The following KCNIP4 variants were observed in gnomAD, a reference collection of about 807,000 sequenced individuals.
The protein encoded by KCNIP4 is Kv channel-interacting protein 4.
Under a neutral mutation model 34.0 loss-of-function variants are expected in KCNIP4, and 12 were observed. The observed-to-expected ratio is 0.35, with a 90% confidence interval of 0.23 to 0.57. KCNIP4 has a LOEUF of 0.57. KCNIP4 is among the 20% of genes least tolerant of loss of function. The pLI is 0.83. For synonymous variants in KCNIP4, 124 were observed against 102.2 expected, an observed-to-expected ratio of 1.21 and a Z score of -1.29; for missense variants, 238 against 311.7, an observed-to-expected ratio of 0.76 and a Z score of 1.78.
At chr4:21,598,714 GT>G (rs1742851042) in intron 1 of KCNIP4, among the ~76,000 whole-genome samples, 2 of 151,612 alleles carry the variant, frequency 1.3e-5, no homozygotes, top group Admixed American at 6.6e-5. Flanking sequence ...AGCTAAAAAT[GT>G]TTAACTAAGA....
intron 1 of KCNIP4, among the ~76,000 whole-genome samples, chr4:20,929,475 C>T (rs925285696): frequency 6.6e-6 from 1 of 151,964 alleles, no homozygotes; most frequent in African/African-American, 2.4e-5. Flanking sequence ...AGATCCAGTG[C>T]AAAGCACAAA....
At chr4:21,731,086 C>T (rs116092944) in intron 1 of KCNIP4, among the ~76,000 whole-genome samples, 209 of 148,634 alleles carry the variant, frequency 1.4e-3, no homozygotes, top group African/African-American at 4.4e-3. Flanking sequence ...TGCACTCCAG[C>T]CTGGGCAACT....
intron 1 of KCNIP4, among the ~76,000 whole-genome samples, chr4:21,086,438 A>G (rs1746438871): frequency 6.6e-6 from 1 of 152,184 alleles, no homozygotes; most frequent in South Asian, 2.1e-4. Flanking sequence ...AAGAATTTTT[A>G]AATAAAATTT....
At position 21,772,053 on chromosome 4, in the gene KCNIP4, G is replaced by T. The variant is rs189216639; in HGVS notation, c.61+176518C>A. On this transcript the variant is annotated intron_variant, in intron 1 of 8. Transcript: ENST00000382152. ...TTGCCCATTCAATATGATATTGGCT[G>T]TGGGTTTGTCATAAATAGCTCTTAT... Among the ~76,000 whole-genome samples, 626 of 152,300 alleles carry T rather than the reference G, an allele frequency of 4.1e-3. 8 individuals are homozygous for T. Among genetic ancestry groups the T allele is most frequent in the African/African-American group, 0.014 (592 of 41,572 alleles).
intron 1 of KCNIP4, among the ~76,000 whole-genome samples, chr4:20,990,744 T>C (rs1254686365): frequency 6.6e-6 from 1 of 152,222 alleles, no homozygotes; most frequent in Non-Finnish European, 1.5e-5. Flanking sequence ...AATGAGTTCC[T>C]GGGTTTACCC....
intron 1 of KCNIP4, among the ~76,000 whole-genome samples, chr4:21,801,912 A>G (rs1029504291): frequency 6.6e-6 from 1 of 152,046 alleles, no homozygotes; most frequent in Non-Finnish European, 1.5e-5. Flanking sequence ...TCAAGAAAAA[A>G]AAATAGTAGG....
intron 2 of KCNIP4, among the ~76,000 whole-genome samples, chr4:20,868,568 G>C (rs1723100593): frequency 6.6e-6 from 1 of 152,058 alleles, no homozygotes; most frequent in Non-Finnish European, 1.5e-5. Flanking sequence ...CTTCACAATA[G>C]CAAAGAAGTG....
rs1224235546 is a variant in KCNIP4 at position 21,169,787 on chromosome 4, T to G, written c.62-287078A>C. ...AGGACATCAGAATGGTTCGTCCCAATTAGTACTCAAACACTCCCAGCCTTT... is the reference window on the plus strand; with the variant it reads ...AGGACATCAGAATGGTTCGTCCCAAGTAGTACTCAAACACTCCCAGCCTTT... On this transcript the variant is annotated intron_variant, in intron 1 of 8. Transcript: ENST00000382152. Among the ~76,000 whole-genome samples the G allele has an allele frequency of 2.0e-5, 3 of 151,216 alleles. No individual in the cohort carries two copies. The East Asian group carries it at 5.9e-4, about 30-fold the overall frequency.
intron 2 of KCNIP4, among the ~76,000 whole-genome samples, chr4:20,864,679 G>C (rs1188132369): frequency 6.6e-6 from 1 of 151,992 alleles, no homozygotes; most frequent in Non-Finnish European, 1.5e-5. Context: ...AGTAGCAAAA[G>C]GGCTCTAAGC....
At chr4:21,117,299 CCGGGGGG>C (rs1560737493) in intron 1 of KCNIP4, among the ~76,000 whole-genome samples, 2 of 64,586 alleles carry the variant, frequency 3.1e-5, no homozygotes, top group Non-Finnish European at 4.3e-5. Flanking sequence ...GCCGGGGTTG[CCGGGGGG>C]GGGGGGGGGG....
At chr4:21,525,572 C>T (rs905604757) in intron 1 of KCNIP4, among the ~76,000 whole-genome samples, 3 of 152,072 alleles carry the variant, frequency 2.0e-5, no homozygotes, top group African/African-American at 7.2e-5. Context: ...ATAGCGGCAG[C>T]TCATTTCCCA....
At chr4:20,837,196 A>T (rs942660317) in intron 3 of KCNIP4, among the ~76,000 whole-genome samples, 4 of 151,642 alleles carry the variant, frequency 2.6e-5, no homozygotes, top group Admixed American at 6.6e-5. Flanking sequence ...ATGTGAATAG[A>T]CAAGAAAATA....
intron 1 of KCNIP4, among the ~76,000 whole-genome samples, chr4:21,427,266 G>A (rs1726014850): frequency 6.6e-6 from 1 of 151,246 alleles, no homozygotes. Flanking sequence ...TATTTATTGA[G>A]CATCTACTAT....
intron 1 of KCNIP4, among the ~76,000 whole-genome samples, chr4:21,034,571 T>C (rs992736223): frequency 6.6e-6 from 1 of 152,072 alleles, no homozygotes; most frequent in Non-Finnish European, 1.5e-5. Context: ...CTTCCCAAAG[T>C]TGAGTTCTGG....
intron 1 of KCNIP4, among the ~76,000 whole-genome samples, chr4:21,238,212 T>C (rs2109041733): frequency 6.6e-6 from 1 of 152,242 alleles, no homozygotes; most frequent in African/African-American, 2.4e-5. Flanking sequence ...ATAAATTAGG[T>C]ATTGATGGGA....
chr4:21,167,007 T>C (rs1753681621), intron 1 of KCNIP4, among the ~76,000 whole-genome samples: 1 of 149,962 alleles, frequency 6.7e-6, no homozygotes, highest in Non-Finnish European at 1.5e-5. Context: ...CTGTTGTACA[T>C]TTCTATAATG....
At chr4:21,477,996 T>A (rs1731128704) in intron 1 of KCNIP4, among the ~76,000 whole-genome samples, 1 of 152,216 alleles carries the variant, frequency 6.6e-6, no homozygotes. Flanking sequence ...TCAATGTATC[T>A]AGCCTGTTAG....
intron 1 of KCNIP4, among the ~76,000 whole-genome samples, chr4:21,556,922 G>GA (rs1253971751): frequency 0.056 from 3,978 of 70,616 alleles, 168 homozygotes; most frequent in South Asian, 0.095. Flanking sequence ...CTCCATCTCA[G>GA]AAAAAAAAAA....
chr4:21,239,234 T>C (rs1021734076), intron 1 of KCNIP4, among the ~76,000 whole-genome samples: 5 of 140,108 alleles, frequency 3.6e-5, no homozygotes, highest in African/African-American at 7.6e-5. Flanking sequence ...TCAAGATGGA[T>C]TAAAGACTTA....
Sources: gnomAD v4.1 joint callset for allele counts (sites outside exome capture counted in the v4.1 genomes callset) on GRCh38, gnomAD v4.1.1 for gene constraint, MANE v1.5 for transcripts, NCBI Gene and HGNC (gene_info 2026-07-23, HGNC 2026-07-21) for gene names.